Variants in FSTL3 observed in about 807,000 individuals in gnomAD.
FSTL3 encodes the protein follistatin like 3.
FSTL3 carries 21 observed loss-of-function variants against 28.1 expected under a neutral mutation model. The ratio of observed to expected loss-of-function variants is 0.75; its 90% confidence interval spans 0.53 to 1.08. FSTL3 has a LOEUF of 1.08. Ranked by LOEUF, FSTL3 falls within the 50% of genes least tolerant of loss-of-function variation. FSTL3 has a pLI of 0.00. For missense variants in FSTL3, 400 were observed against 380.9 expected (o/e 1.05, Z -0.42); for synonymous variants, 199 against 164.2 (o/e 1.21, Z -1.62).
At chr19:679,749 G>GC (rs1192299001) in intron 2 of FSTL3, among the ~76,000 whole-genome samples, 5 of 152,064 alleles carry the variant, frequency 3.3e-5, no homozygotes, top group East Asian at 1.9e-4. Context: ...GCTGTGGGGG[G>GC]CCCCCTCCCC....
Position 682,956 on chromosome 19 carries a change from C to T in FSTL3, c.*1248C>T, listed in dbSNP as rs180801604. 387 of 233,036 alleles carry T rather than the reference C, an allele frequency of 1.7e-3. No individual in the cohort carries two copies. Among genetic ancestry groups the T allele is most frequent in the Non-Finnish European group, 2.6e-3 (304 of 117,924 alleles). The allele number at this position is 233,036 out of a possible 1,614,324, so 14.4% of individuals were successfully genotyped here. On this transcript the variant is annotated 3_prime_UTR_variant, in exon 5 of 5. Coordinates refer to ENST00000166139, the MANE Select transcript of FSTL3 (RefSeq NM_005860.3). ...CACAGTGGGGTTCACACCCAGGGCT[C>T]CTTGGTCCCCCACAACCTGCCCCGG...
In FSTL3 at chr19:677,849, C is replaced by G; in HGVS notation, c.161C>G (p.Thr54Ser). The G allele has an allele frequency of 6.2e-7, 1 of 1,612,968 alleles. No homozygotes were observed. The highest frequency in any genetic ancestry group is 8.5e-7 in the Non-Finnish European group (1 of 1,179,974). ...QEATCSLVLQ[T>S]DVTRAECCAS... is the part of the protein sequence containing the mutation. ...GCCACCTGCAGCCTGGTGCTCCAGA[C>G]TGATGTCACCCGGGCCGAGTGCTGT... Residue 54 changes from threonine (T) to serine (S), a missense_variant, in exon 2 of 5, where the codon ACT (threonine) becomes AGT (serine). Transcript: ENST00000166139.
chr19:678,486 C>G (rs1402350259), intron 2 of FSTL3, among the ~76,000 whole-genome samples: 1 of 143,466 alleles, frequency 7.0e-6, no homozygotes, highest in East Asian at 2.0e-4. Flanking sequence ...ATTCTCCGCA[C>G]TGGAGGATGA....
At chr19:677,577 T>TGG (rs60824203) in intron 1 of FSTL3, among the ~76,000 whole-genome samples, 28 of 32,222 alleles carry the variant, frequency 8.7e-4, no homozygotes, top group African/African-American at 3.4e-3. Context: ...GGTGAGGCTG[T>TGG]GGGGGGGGGC....
At chr19:679,331 G>A (rs750230408) in intron 2 of FSTL3, among the ~76,000 whole-genome samples, 31 of 152,320 alleles carry the variant, frequency 2.0e-4, no homozygotes, top group Middle Eastern at 3.4e-3. Flanking sequence ...CAAGGGCTGC[G>A]TGGCGGGCGC....
intron 3 of FSTL3, 136 bp from the exon 4 acceptor site, chr19:681,197 G>GA: frequency 3.2e-6 from 2 of 615,552 alleles, no homozygotes; most frequent in South Asian, 4.0e-5. Flanking sequence ...GGGGCTCACG[G>GA]GGGGCGGGGG....
rs1448973002 is a variant in FSTL3, at chr19:680,483, T to G, written c.499T>G (p.Cys167Gly). The G allele has an allele frequency of 1.5e-5, 19 of 1,231,996 alleles. No individual in the cohort carries two copies. Among genetic ancestry groups the G allele is most frequent in the African/African-American group, 6.3e-5 (4 of 63,448 alleles). 76.3% of individuals were successfully genotyped at this position (1,231,996 alleles called of 1,614,324 possible). ...CCTGAGCGTCATGTACCGGGGCCGCTGCCGCAGTACGTGGGGGCGTGGTCT... is the reference window on the plus strand; with the variant it reads ...CCTGAGCGTCATGTACCGGGGCCGCGGCCGCAGTACGTGGGGGCGTGGTCT... ...PDLSVMYRGR[C>G]RKSCEHVVCP... is the part of the protein sequence containing the mutation. Residue 167 changes from cysteine to glycine, a missense_variant, in exon 3 of 5, where the codon TGC becomes GGC. Transcript: ENST00000166139.
In FSTL3 at chr19:682,743, G is replaced by C. The variant is rs917633443; in HGVS notation, c.*1035G>C. The C allele has an allele frequency of 4.3e-6, 1 of 233,170 alleles. No individual in the cohort carries two copies. The allele number at this position is 233,170 out of a possible 1,614,324, so 14.4% of individuals were successfully genotyped here. On this transcript the variant is annotated 3_prime_UTR_variant, in exon 5 of 5. Coordinates refer to ENST00000166139, the MANE Select transcript of FSTL3 (RefSeq NM_005860.3). ...TGGTCTCAGACGTGGAGCAGCCAGC[G>C]GCAGCTCAGAGCAGGGCACTGTGTC...
chr19:680,232 C>T (rs1600660019), intron 2 of FSTL3, 42 bp from the exon 3 acceptor site: 4 of 1,271,536 alleles, frequency 3.1e-6, no homozygotes, highest in Non-Finnish European at 3.0e-6. Flanking sequence ...ACGCCCGGGA[C>T]CCTCCCGCGC....
rs748048439 is a variant in FSTL3 at position 681,653 on chromosome 19, C to T, written c.737C>T (p.Thr246Ile). The T allele has an allele frequency of 2.5e-6, 4 of 1,578,702 alleles. No individual in the cohort carries two copies. The highest frequency in any genetic ancestry group is 2.6e-6 in the Non-Finnish European group (3 of 1,162,596). ...ATGCTCTTATCGACCCTTGCAGGCA[C>T]CCCTGAGGAGCCGCCAGGTGGTGAG... The part of the protein sequence containing the change: ...GVRHAGSCAG[T>I]PEEPPGGESA... Residue 246 changes from threonine (T) to isoleucine (I), a missense_variant, in exon 5 of 5, where the codon ACC (threonine) becomes ATC (isoleucine). By Grantham distance (89) the Thr-to-Ile change is moderately conservative. Coordinates refer to ENST00000166139, the MANE Select transcript of FSTL3 (RefSeq NM_005860.3).
chr19:677,472 TTGG>T (rs1265574188), intron 1 of FSTL3, among the ~76,000 whole-genome samples: 5 of 149,432 alleles, frequency 3.3e-5, no homozygotes, highest in Non-Finnish European at 7.4e-5. Flanking sequence ...TGCCTGGTGT[TTGG>T]TGGTGTTTGA....
intron 1 of FSTL3, among the ~76,000 whole-genome samples, chr19:676,842 A>C (rs1015466360): frequency 2.0e-5 from 3 of 152,152 alleles, no homozygotes; most frequent in African/African-American, 7.2e-5. Context: ...GCTCAGGGTC[A>C]CACAGCCTGT....
chr19:678,121 A>T, intron 2 of FSTL3, 144 bp downstream of exon 2: 1 of 754,820 alleles, frequency 1.3e-6, no homozygotes. Flanking sequence ...AGCCTCAGAG[A>T]GGGACTGGGG....
In FSTL3 at chr19:676,438, G is replaced by T; in HGVS notation, c.15G>T (p.Ala5=). MRPG[A]PGPLWPLPWG... ...CTGCGTTCGCCATGCGTCCCGGGGC[G>T]CCAGGGCCACTCTGGCCTCTGCCCT... is the stretch of plus-strand genomic sequence containing the variant. Residue 5 remains alanine (A), a synonymous_variant, in exon 1 of 5, where the codon GCG becomes GCT. Transcript: ENST00000166139. The T allele has an allele frequency of 8.3e-7, 1 of 1,210,240 alleles. No homozygotes were observed. The allele number at this position is 1,210,240 out of a possible 1,614,324, so 75.0% of individuals were successfully genotyped here.
At position 683,312 on chromosome 19, in the gene FSTL3, G is replaced by A; in HGVS notation, c.*1604G>A. On this transcript the variant is annotated 3_prime_UTR_variant, in exon 5 of 5. Coordinates refer to ENST00000166139, the MANE Select transcript of FSTL3 (RefSeq NM_005860.3). The stretch of plus-strand genomic sequence containing the variant: ...CCCAGAAAAGTGCCCCTAGGTTGGT[G>A]GGTCTACAGGAGCCTCAGCCAGGCA... The A allele has an allele frequency of 4.4e-6, 1 of 227,918 alleles. No homozygotes were observed. The highest frequency in any genetic ancestry group is 6.3e-5 in the East Asian group (1 of 15,964). 14.1% of individuals were successfully genotyped at this position (227,918 alleles called of 1,614,324 possible). A position where few individuals can be genotyped will look rare whatever the true frequency, so the allele number is the denominator to read the frequency against.
intron 1 of FSTL3, among the ~76,000 whole-genome samples, chr19:676,904 C>T (rs1333725118): frequency 2.6e-5 from 4 of 151,796 alleles, no homozygotes; most frequent in East Asian, 3.9e-4. Context: ...GTCCTGGTGC[C>T]GAGAGGTAGT....
intron 2 of FSTL3, 46 bp from the exon 3 acceptor site, chr19:680,228 G>A: frequency 2.4e-6 from 3 of 1,264,330 alleles, no homozygotes; most frequent in Non-Finnish European, 3.0e-6. Context: ...CCCCACGCCC[G>A]GGACCCTCCC....
chr19:680,526 G>C, intron 3 of FSTL3, 37 bp downstream of exon 3: 1 of 1,066,402 alleles, frequency 9.4e-7, no homozygotes, highest in Non-Finnish European at 1.2e-6. Flanking sequence ...GGCGGGGCGG[G>C]ACCTACCGGA....
At chr19:680,671 T>G (rs574722094) in intron 3 of FSTL3, 182 bp downstream of exon 3, 2,421 of 111,908 alleles carry the variant, frequency 0.022, 16 homozygotes, top group Non-Finnish European at 0.027. Context: ...GGGCGGGGCC[T>G]GCTGGAGGGG....
Sources: gnomAD v4.1 joint callset for allele counts (sites outside exome capture counted in the v4.1 genomes callset) on GRCh38, gnomAD v4.1.1 for gene constraint, MANE v1.5 for transcripts, NCBI Gene and HGNC (gene_info 2026-07-23, HGNC 2026-07-21) for gene names.